CPS1: variants seen among roughly 807,000 people sequenced by gnomAD.
CPS1 encodes carbamoyl-phosphate synthase 1, also known as carbamoyl-phosphate synthase [ammonia], mitochondrial.
A neutral mutation model predicts 174.6 loss-of-function variants in CPS1; 109 were observed. The observed-to-expected ratio is 0.62, with a 90% CI of 0.53 to 0.73. The LOEUF is 0.73. Ranked by LOEUF, CPS1 falls within the 30% of genes least tolerant of loss-of-function variation. The pLI is 0.00. For synonymous variants in CPS1, 637 were observed against 632.0 expected (o/e 1.01, Z -0.12); for missense variants, 1,689 against 1,821.9 (o/e 0.93, Z 1.33).
At chr2:210,584,422 TAGAA>T (rs1698036701) in intron 6 of CPS1, among the ~76,000 whole-genome samples, 1 of 152,124 alleles carries the variant, frequency 6.6e-6, no homozygotes, top group Admixed American at 6.6e-5. Context: ...TTGAAATTCT[TAGAA>T]AGGAAGGAGT....
chr2:210,606,177 C>T (rs1244640816), intron 17 of CPS1, among the ~76,000 whole-genome samples: 2 of 151,772 alleles, frequency 1.3e-5, no homozygotes, highest in Non-Finnish European at 2.9e-5. Flanking sequence ...AAGTGGTAAG[C>T]AGAATTGGCA....
chr2:210,527,132 C>G (rs1050209744), intron 1 of CPS1, among the ~76,000 whole-genome samples: 1 of 151,356 alleles, frequency 6.6e-6, no homozygotes, highest in Non-Finnish European at 1.5e-5. Context: ...CTTTCCTTTC[C>G]TTTAATAATA....
chr2:210,630,636 T>C (rs1295361062), intron 21 of CPS1, among the ~76,000 whole-genome samples: 1 of 152,228 alleles, frequency 6.6e-6, no homozygotes, highest in Non-Finnish European at 1.5e-5. Context: ...ACCTCATTCC[T>C]GTATAGAAAC....
rs758214997 is a variant in CPS1 at position 210,674,927 on chromosome 2, G to C, written c.4127G>C (p.Gly1376Ala). The change falls in exon 35 of 38, where the codon GGT becomes GCT. Residue 1376 changes from glycine to alanine, a missense_variant. By Grantham distance (60) the Gly-to-Ala change is moderately conservative (BLOSUM62 0). Transcript: ENST00000233072. ...CAATCATTCCGGCCAAGATTCCTTG[G>C]TGTGGCTGAACAATTACACAATGAA... ...IQQSFRPRFL[G>A]VAEQLHNEGF... 1 of 1,613,942 alleles carries C rather than the reference G, an allele frequency of 6.2e-7. No individual in the cohort carries two copies. Among genetic ancestry groups the C allele is most frequent in the Non-Finnish European group, 8.5e-7 (1 of 1,179,848 alleles).
At chr2:210,622,419 G>T (rs1699559148) in intron 21 of CPS1, among the ~76,000 whole-genome samples, 1 of 151,658 alleles carries the variant, frequency 6.6e-6, no homozygotes, top group South Asian at 2.1e-4. Flanking sequence ...TTTGCTTGGG[G>T]TATAGAAACA....
At chr2:210,645,049 G>T (rs1374066072) in intron 25 of CPS1, among the ~76,000 whole-genome samples, 2 of 152,134 alleles carry the variant, frequency 1.3e-5, no homozygotes, top group Non-Finnish European at 2.9e-5. Flanking sequence ...ACCTGTGTGG[G>T]TTACCAGGTT....
Position 210,593,274 on chromosome 2 carries a change from C to G in CPS1, c.1164+318C>G, listed in dbSNP as rs16844644. The G allele has an allele frequency of 9.2e-3, 8,177 of 892,914 alleles. 529 individuals are homozygous for G. The African/African-American group carries it at 0.13, about 14-fold the overall frequency. 55.3% of individuals were successfully genotyped at this position (892,914 alleles called of 1,614,324 possible). On this transcript the variant is annotated intron_variant, in intron 11 of 37. Transcript: ENST00000233072. ...CTATGCAAATGAATTCCCTTTTGCT[C>G]TCTCTCGTTCTCATGACTGAAATGA...
chr2:210,577,859 T>G (rs1047961252), intron 4 of CPS1, among the ~76,000 whole-genome samples: 2 of 152,128 alleles, frequency 1.3e-5, no homozygotes, highest in African/African-American at 4.8e-5. Context: ...TAATGGAACT[T>G]GCTTCATGGG....
intron 1 of CPS1, among the ~76,000 whole-genome samples, chr2:210,535,819 G>GTTT (rs67369344): frequency 0.033 from 3,950 of 118,134 alleles, 204 homozygotes; most frequent in African/African-American, 0.042. Flanking sequence ...CTTTTTCCTT[G>GTTT]TTTTTTTTTT....
At chr2:210,640,190 T>C in intron 24 of CPS1, 131 bp downstream of exon 24, 1 of 661,308 alleles carries the variant, frequency 1.5e-6, no homozygotes, top group East Asian at 2.8e-5. Flanking sequence ...ATTAGGAAGC[T>C]GGGGTTCAGA....
chr2:210,524,670 A>G (rs1303427997), intron 1 of CPS1, among the ~76,000 whole-genome samples: 7 of 151,928 alleles, frequency 4.6e-5, no homozygotes, highest in African/African-American at 1.7e-4. Context: ...GATATAGTAA[A>G]CCATGCTGGA....
chr2:210,630,790 C>T (rs1198820412), intron 21 of CPS1, among the ~76,000 whole-genome samples: 1 of 152,120 alleles, frequency 6.6e-6, no homozygotes, highest in Non-Finnish European at 1.5e-5. Flanking sequence ...CAACTTGTCT[C>T]CTTGAATGAA....
intron 1 of CPS1, among the ~76,000 whole-genome samples, chr2:210,488,720 G>A (rs765903360): frequency 2.3e-4 from 35 of 152,148 alleles, no homozygotes; most frequent in Non-Finnish European, 4.6e-4. Context: ...TCTTGGGAAA[G>A]TAATGTTTTT....
chr2:210,595,242 T>C (rs1470012688), intron 12 of CPS1, among the ~76,000 whole-genome samples: 1 of 151,836 alleles, frequency 6.6e-6, no homozygotes, highest in Non-Finnish European at 1.5e-5. Context: ...TTAAATAAAA[T>C]GTAAACCTCT....
At chr2:210,551,373 G>T (rs1402295003) in intron 1 of CPS1, among the ~76,000 whole-genome samples, 1 of 151,970 alleles carries the variant, frequency 6.6e-6, no homozygotes, top group Non-Finnish European at 1.5e-5. Context: ...TAGCAAATGT[G>T]TATGCACATA....
chr2:210,507,670 G>A (rs377701349), intron 1 of CPS1, among the ~76,000 whole-genome samples: 1 of 151,212 alleles, frequency 6.6e-6, no homozygotes, highest in Non-Finnish European at 1.5e-5. Context: ...TCAAAATAAA[G>A]GGATGGAGGA....
intron 34 of CPS1, chr2:210,673,226 A>G (rs758868241): frequency 6.6e-6 from 1 of 152,260 alleles, no homozygotes; most frequent in Non-Finnish European, 1.5e-5. Context: ...TGTTTTTAAC[A>G]GTGTGTGATT....
intron 1 of CPS1, among the ~76,000 whole-genome samples, chr2:210,522,526 C>G (rs1695854521): frequency 6.6e-6 from 1 of 151,938 alleles, no homozygotes; most frequent in Non-Finnish European, 1.5e-5. Flanking sequence ...GTGAGATACT[C>G]TGGAATCATA....
intron 25 of CPS1, among the ~76,000 whole-genome samples, chr2:210,643,221 G>C (rs1433991048): frequency 6.6e-6 from 1 of 152,116 alleles, no homozygotes; most frequent in African/African-American, 2.4e-5. Flanking sequence ...TTCACTTACA[G>C]TTGTTCCTCC....
Sources: allele counts gnomAD v4.1 joint callset (sites outside exome capture counted in the v4.1 genomes callset), GRCh38; gene constraint gnomAD v4.1.1; transcripts MANE v1.5; gene names NCBI Gene and HGNC (gene_info 2026-07-23, HGNC 2026-07-21).